The following KDM4C variants were observed in gnomAD, a reference collection of about 807,000 sequenced individuals.
The protein encoded by KDM4C is lysine-specific demethylase 4C.
KDM4C carries 81 observed loss-of-function variants against 129.3 expected under a neutral mutation model. The observed-to-expected ratio is 0.63, with a 90% CI of 0.52 to 0.75. The LOEUF (loss-of-function observed/expected upper bound fraction) is 0.75. KDM4C is among the 30% of genes least tolerant of loss of function. The probability of loss-of-function intolerance (pLI) is 0.00; values close to 1 mark genes in which losing one functional copy is unlikely to be tolerated. For synonymous variants in KDM4C, 573 were observed against 456.1 expected (o/e 1.26, Z -3.26); for missense variants, 1,457 against 1,304.0 (o/e 1.12, Z -1.81).
intron 15 of KDM4C, among the ~76,000 whole-genome samples, chr9:7,029,286 C>G (rs1044715722): frequency 9.8e-5 from 11 of 112,384 alleles, no homozygotes; most frequent in Non-Finnish European, 2.0e-4. Context: ...CTGGGTTTCC[C>G]CCCACCGTTT....
At chr9:6,937,957 C>G (rs1349588157) in intron 8 of KDM4C, among the ~76,000 whole-genome samples, 1 of 152,060 alleles carries the variant, frequency 6.6e-6, no homozygotes, top group Non-Finnish European at 1.5e-5. Context: ...GGTGATCTGC[C>G]CTCCTTGGCC....
At chr9:6,909,675 T>C (rs1006883524) in intron 8 of KDM4C, among the ~76,000 whole-genome samples, 1 of 152,210 alleles carries the variant, frequency 6.6e-6, no homozygotes, top group African/African-American at 2.4e-5. Context: ...TGTAAAAACA[T>C]TTAATGAAAC....
At chr9:7,022,170 T>A (rs1372880424) in intron 15 of KDM4C, among the ~76,000 whole-genome samples, 1 of 152,172 alleles carries the variant, frequency 6.6e-6, no homozygotes, top group Non-Finnish European at 1.5e-5. Flanking sequence ...TTTTAGGATT[T>A]TTTTTCTATT....
intron 2 of KDM4C, among the ~76,000 whole-genome samples, chr9:6,798,256 CT>C (rs71315565): frequency 0.85 from 121,230 of 142,128 alleles, 51,676 homozygotes; most frequent in African/African-American, 0.92. Context: ...TTCTTTCTTT[CT>C]TTTTTTTTTT....
intron 12 of KDM4C, among the ~76,000 whole-genome samples, chr9:6,998,496 T>C (rs1294984499): frequency 2.0e-5 from 3 of 152,208 alleles, no homozygotes; most frequent in Non-Finnish European, 4.4e-5. Flanking sequence ...ATTTCTTTTA[T>C]TAGAACAATT....
chr9:7,008,767 C>A (rs1355724467), intron 12 of KDM4C, among the ~76,000 whole-genome samples: 2 of 152,160 alleles, frequency 1.3e-5, no homozygotes, highest in South Asian at 2.1e-4. Flanking sequence ...ACCCCATGAA[C>A]CCAGGTACCA....
In KDM4C at chr9:7,046,297, G is replaced by T. The variant is rs181207623; in HGVS notation, c.2260-565G>T. On this transcript the variant is annotated intron_variant, in intron 15 of 21. Coordinates refer to ENST00000381309, the MANE Select transcript of KDM4C (RefSeq NM_015061.6). ...TGGTGCTGTTTTCTCGGGCCGGATA[G>T]CTGGGGTTGATCAGGACACTTTTTA... Among the ~76,000 whole-genome samples the T allele has an allele frequency of 8.5e-5, 13 of 152,126 alleles. No individual in the cohort carries two copies. The East Asian group carries it at 2.3e-3, about 27-fold the overall frequency.
chr9:6,902,553 C>G (rs1164330234), intron 8 of KDM4C: 2 of 152,272 alleles, frequency 1.3e-5, no homozygotes, highest in East Asian at 3.9e-4. Context: ...ACTTGTGCCT[C>G]ACAGGTTGTG....
chr9:7,014,986 C>T (rs1245146695), intron 14 of KDM4C, among the ~76,000 whole-genome samples: 4 of 151,176 alleles, frequency 2.6e-5, no homozygotes, highest in African/African-American at 9.7e-5. Context: ...ATAGGTAAAG[C>T]ACCAGGACAC....
chr9:7,034,468 G>T (rs1426706103), intron 15 of KDM4C, among the ~76,000 whole-genome samples: 1 of 152,126 alleles, frequency 6.6e-6, no homozygotes, highest in Non-Finnish European at 1.5e-5. Context: ...TTAATTTTCT[G>T]TTCCTGGCTT....
intron 17 of KDM4C, among the ~76,000 whole-genome samples, chr9:7,052,732 TC>T (rs1357754229): frequency 2.0e-5 from 3 of 152,136 alleles, no homozygotes; most frequent in Non-Finnish European, 4.4e-5. Flanking sequence ...AAGTGGTTCA[TC>T]CCTGAAGCAG....
chr9:6,847,372 T>A (rs1417293032), intron 4 of KDM4C, among the ~76,000 whole-genome samples: 3 of 152,110 alleles, frequency 2.0e-5, no homozygotes, highest in Non-Finnish European at 4.4e-5. Context: ...CTATGAGGTC[T>A]GAAAAGTTGG....
chr9:6,896,820 G>A (rs1816535753), intron 8 of KDM4C, among the ~76,000 whole-genome samples: 1 of 152,162 alleles, frequency 6.6e-6, no homozygotes, highest in African/African-American at 2.4e-5. Flanking sequence ...GAGTAGAGTT[G>A]ACACTGGGAG....
chr9:6,937,986 A>C (rs1251259095), intron 8 of KDM4C, among the ~76,000 whole-genome samples: 1 of 152,182 alleles, frequency 6.6e-6, no homozygotes, highest in Non-Finnish European at 1.5e-5. Flanking sequence ...TGCTGGGATT[A>C]CAGACATGAG....
intron 8 of KDM4C, among the ~76,000 whole-genome samples, chr9:6,896,363 A>G (rs189055768): frequency 1.8e-4 from 27 of 152,282 alleles, no homozygotes; most frequent in African/African-American, 5.8e-4. Flanking sequence ...TTGAATGTGT[A>G]TAAGTATCTG....
At chr9:7,139,088 A>G (rs528178518) in intron 19 of KDM4C, among the ~76,000 whole-genome samples, 47 of 152,172 alleles carry the variant, frequency 3.1e-4, no homozygotes, top group Non-Finnish European at 5.9e-4. Context: ...CCTGGGCAAC[A>G]TGGCAAAAAC....
chr9:7,091,254 A>G (rs747135604), intron 17 of KDM4C, among the ~76,000 whole-genome samples: 10 of 152,178 alleles, frequency 6.6e-5, no homozygotes, highest in African/African-American at 1.2e-4. Context: ...GGAGGTCTGA[A>G]TTCACTTGGG....
At chr9:6,748,756 G>C (rs111265054) in intron 1 of KDM4C, 2 of 1,469,812 alleles carry the variant, frequency 1.4e-6, no homozygotes, top group South Asian at 1.1e-5. Context: ...AGCATGATCC[G>C]ACCCAGTTGT....
intron 4 of KDM4C, among the ~76,000 whole-genome samples, chr9:6,820,900 G>C (rs112404348): frequency 4.1e-5 from 6 of 147,660 alleles, no homozygotes; most frequent in East Asian, 2.0e-4. Context: ...GCCCCAGTGT[G>C]TGATGTTCCC....
Sources: gnomAD v4.1 joint callset for allele counts (sites outside exome capture counted in the v4.1 genomes callset) on GRCh38, gnomAD v4.1.1 for gene constraint, MANE v1.5 for transcripts, NCBI Gene and HGNC (gene_info 2026-07-23, HGNC 2026-07-21) for gene names.